The following LRP1B variants were observed in gnomAD, a reference collection of about 807,000 sequenced individuals.
LRP1B encodes the protein LDL receptor related protein 1B.
LRP1B carries 217 observed loss-of-function variants against 556.6 expected under a neutral mutation model. The ratio of observed to expected loss-of-function variants is 0.39; its 90% CI spans 0.35 to 0.44. The LOEUF (loss-of-function observed/expected upper bound fraction) is 0.44, where lower values mean the gene tolerates loss of function less well. Among genes scored for constraint, LRP1B ranks in the 20% least tolerant of loss-of-function variants. The pLI is 1.00. For synonymous variants in LRP1B, 2,047 were observed against 1,865.8 expected, an observed-to-expected ratio of 1.10 and a Z score of -2.50; for missense variants, 5,053 against 5,620.8, an observed-to-expected ratio of 0.90 and a Z score of 3.23.
chr2:141,127,556 G>C (rs940293682), intron 7 of LRP1B, among the ~76,000 whole-genome samples: 1 of 152,128 alleles, frequency 6.6e-6, no homozygotes, highest in Admixed American at 6.6e-5. Flanking sequence ...ATACTATGCA[G>C]CCATAAAAAA....
chr2:140,344,350 T>C (rs1252917471), intron 77 of LRP1B, among the ~76,000 whole-genome samples: 1 of 151,832 alleles, frequency 6.6e-6, no homozygotes, highest in Non-Finnish European at 1.5e-5. Flanking sequence ...TCAGCAAAGC[T>C]AACATAAAGT....
intron 2 of LRP1B, among the ~76,000 whole-genome samples, chr2:141,530,077 A>C (rs2105189858): frequency 6.6e-6 from 1 of 152,260 alleles, no homozygotes; most frequent in Non-Finnish European, 1.5e-5. Flanking sequence ...TAATAATAGC[A>C]ATCTGATTAC....
At chr2:140,833,716 A>G (rs1367377929) in intron 31 of LRP1B, among the ~76,000 whole-genome samples, 1 of 152,074 alleles carries the variant, frequency 6.6e-6, no homozygotes, top group Admixed American at 6.5e-5. Flanking sequence ...ACACACCCAT[A>G]ATTGGCTTTC....
chr2:141,560,420 A>G (rs1574079946), intron 2 of LRP1B, among the ~76,000 whole-genome samples: 2 of 151,666 alleles, frequency 1.3e-5, no homozygotes, highest in South Asian at 2.1e-4. Context: ...GTTTTTTACA[A>G]CTCTCATGGA....
intron 2 of LRP1B, among the ~76,000 whole-genome samples, chr2:141,667,511 T>C (rs1364943655): frequency 6.6e-6 from 1 of 152,194 alleles, no homozygotes; most frequent in East Asian, 1.9e-4. Flanking sequence ...CCAAAGATAC[T>C]CCTGGACCTT....
intron 41 of LRP1B, among the ~76,000 whole-genome samples, chr2:140,605,532 T>C (rs1182935334): frequency 2.1e-5 from 3 of 145,570 alleles, no homozygotes; most frequent in African/African-American, 4.9e-5. Flanking sequence ...TTTTCTTTTT[T>C]CTTTTCTTTC....
chr2:141,242,385 T>A (rs909888656), intron 5 of LRP1B, among the ~76,000 whole-genome samples: 2 of 151,744 alleles, frequency 1.3e-5, no homozygotes, highest in Non-Finnish European at 2.9e-5. Context: ...TATTTTTTTC[T>A]CTCTCTCTCT....
At chr2:140,617,217 C>T in intron 41 of LRP1B, among the ~76,000 whole-genome samples, 1 of 151,856 alleles carries the variant, frequency 6.6e-6, no homozygotes, top group Non-Finnish European at 1.5e-5. Flanking sequence ...AATACTGTCT[C>T]CCTCTTATCT....
At chr2:141,202,104 C>T (rs1682050091) in intron 6 of LRP1B, among the ~76,000 whole-genome samples, 1 of 152,156 alleles carries the variant, frequency 6.6e-6, no homozygotes, top group Admixed American at 6.5e-5. Flanking sequence ...CTTCCTGATG[C>T]TCTCCCCCAC....
chr2:140,621,242 C>G (rs1053083630), intron 41 of LRP1B, among the ~76,000 whole-genome samples: 2 of 151,164 alleles, frequency 1.3e-5, no homozygotes, highest in African/African-American at 4.9e-5. Flanking sequence ...AAAAATTAGC[C>G]GGGTGTGGTG....
chr2:140,888,898 G>T (rs181336219), intron 23 of LRP1B, among the ~76,000 whole-genome samples: 30 of 150,698 alleles, frequency 2.0e-4, no homozygotes, highest in Admixed American at 1.3e-3. Flanking sequence ...GGGAGGCAGA[G>T]GTTGCAGTGA....
At chr2:140,882,783 T>C (rs578204634) in intron 25 of LRP1B, among the ~76,000 whole-genome samples, 16 of 152,136 alleles carry the variant, frequency 1.1e-4, no homozygotes, top group Non-Finnish European at 2.1e-4. Context: ...GCCTGGCTTT[T>C]CTCTCTTATC....
At position 141,286,547 on chromosome 2, in the gene LRP1B, C is replaced by T. The variant is rs187793671; in HGVS notation, c.344-31906G>A. On this transcript the variant is annotated intron_variant, in intron 3 of 90. Transcript: ENST00000389484. ...GTTTGTGTAAGATTTTAATGTCTTC[C>T]TTAAATGTTTAATAAAATTAGCCAA... 1.1e-3 allele frequency among the ~76,000 whole-genome samples: 175 copies of T among 152,218 alleles called. 4 individuals carry two copies. The East Asian group carries it at 0.027, about 23-fold the overall frequency.
chr2:141,207,154 A>G (rs1053098751), intron 6 of LRP1B, among the ~76,000 whole-genome samples: 4 of 152,136 alleles, frequency 2.6e-5, no homozygotes, highest in African/African-American at 9.7e-5. Flanking sequence ...TCTTTCCCTT[A>G]TCTCATTTAA....
intron 2 of LRP1B, among the ~76,000 whole-genome samples, chr2:141,803,566 T>A (rs2105692921): frequency 6.6e-6 from 1 of 152,172 alleles, no homozygotes; most frequent in Middle Eastern, 3.4e-3. Context: ...ATCTGTAAGA[T>A]CATTTCAGCT....
intron 1 of LRP1B, among the ~76,000 whole-genome samples, chr2:142,012,433 T>G (rs1206552805): frequency 6.6e-6 from 1 of 152,104 alleles, no homozygotes; most frequent in Non-Finnish European, 1.5e-5. Context: ...GTGAGATGTG[T>G]TTTCTTTAGG....
chr2:140,406,704 T>C (rs1361610767), intron 66 of LRP1B, among the ~76,000 whole-genome samples: 2 of 151,938 alleles, frequency 1.3e-5, no homozygotes, highest in Non-Finnish European at 2.9e-5. Context: ...GACACAAAAA[T>C]ATGTAAACCC....
intron 1 of LRP1B, among the ~76,000 whole-genome samples, chr2:141,919,952 C>G (rs777797056): frequency 6.6e-6 from 1 of 151,988 alleles, no homozygotes. Flanking sequence ...TTATCTCCCT[C>G]TCTTCTAATC....
At chr2:141,604,232 T>C (rs956128390) in intron 2 of LRP1B, among the ~76,000 whole-genome samples, 60 of 152,210 alleles carry the variant, frequency 3.9e-4, no homozygotes, top group African/African-American at 1.4e-3. Flanking sequence ...ATATAAATTA[T>C]ACAAAATGGT....
Sources: gnomAD v4.1 joint callset for allele counts (sites outside exome capture counted in the v4.1 genomes callset) on GRCh38, gnomAD v4.1.1 for gene constraint, MANE v1.5 for transcripts, NCBI Gene and HGNC (gene_info 2026-07-23, HGNC 2026-07-21) for gene names.